The following TMTC2 variants were observed in gnomAD, a reference collection of about 807,000 sequenced individuals.
TMTC2 encodes the protein transmembrane O-mannosyltransferase targeting cadherins 2.
TMTC2 carries 43 observed loss-of-function variants against 82.4 expected under a neutral mutation model. The observed-to-expected ratio is 0.52, with a 90% CI of 0.41 to 0.67. The LOEUF is 0.67. Among genes scored for constraint, TMTC2 ranks in the 30% least tolerant of loss-of-function variants. TMTC2 has a pLI of 0.00. For missense variants in TMTC2, 919 were observed against 1,012.4 expected (o/e 0.91, Z 1.25); for synonymous variants, 408 against 381.9 (o/e 1.07, Z -0.80).
At chr12:83,099,110 G>T (rs1565887507) in intron 11 of TMTC2, among the ~76,000 whole-genome samples, 1 of 152,104 alleles carries the variant, frequency 6.6e-6, no homozygotes, top group Non-Finnish European at 1.5e-5. Context: ...CTTTCTGAAT[G>T]CCAATATTCT....
At chr12:82,860,251 C>T (rs1228884169) in intron 2 of TMTC2, among the ~76,000 whole-genome samples, 3 of 152,120 alleles carry the variant, frequency 2.0e-5, no homozygotes, top group Admixed American at 6.5e-5. Context: ...GGATTACAGG[C>T]GTGAACTACC....
intron 1 of TMTC2, among the ~76,000 whole-genome samples, chr12:82,738,256 A>G (rs1386442794): frequency 6.6e-6 from 1 of 152,236 alleles, no homozygotes; most frequent in African/African-American, 2.4e-5. Context: ...TTCATTGTTC[A>G]TAAAAGTGCA....
Position 82,976,219 on chromosome 12 carries a change from C to T in TMTC2, c.1948+9222C>T, listed in dbSNP as rs560342297. Among the ~76,000 whole-genome samples, 7 of 151,774 alleles carry T rather than the reference C, an allele frequency of 4.6e-5. No homozygotes were observed. The South Asian group carries it at 1.0e-3, about 23-fold the overall frequency. On this transcript the variant is annotated intron_variant, in intron 7 of 11. Transcript: ENST00000321196. ...AAAATATAAAGGAAATTGATTAGCC[C>T]GGAGAACTTCAGGATCCCTAGTTGT... is the stretch of plus-strand genomic sequence containing the variant.
At position 82,896,474 on chromosome 12, in the gene TMTC2, G is replaced by A. The variant is rs1376966928; in HGVS notation, c.1311G>A (p.Val437=). The A allele has an allele frequency of 6.2e-7, 1 of 1,614,016 alleles. No homozygotes were observed. Among genetic ancestry groups the A allele is most frequent in the Non-Finnish European group, 8.5e-7 (1 of 1,180,040 alleles). The part of the protein sequence containing the change: ...PSMGFCLLIT[V]GARALYVKVQ... ...TGGGCTTCTGCCTACTGATTACAGT[G>A]GGTGCTAGAGCCCTTTATGTCAAAG... is the stretch of plus-strand genomic sequence containing the variant. Residue 437 remains valine, a synonymous_variant, in exon 3 of 12, where the codon GTG becomes GTA. Transcript: ENST00000321196.
In TMTC2 at chr12:83,041,072, C is replaced by G. The variant is rs1015054038; in HGVS notation, c.2153-9832C>G. 3.3e-5 allele frequency among the ~76,000 whole-genome samples: 5 copies of G among 150,942 alleles called. 1 individual carries two copies. Among genetic ancestry groups the G allele is most frequent in the Non-Finnish European group, 7.4e-5 (5 of 67,660 alleles). On this transcript the variant is annotated intron_variant, in intron 9 of 11. Transcript: ENST00000321196. Reference sequence around the variant, plus strand: ...ACTTCCCTTTTCTCATCTGTGCCCCCTTTTTTTGTGTATGGAAATAGAATC... The same window carrying G: ...ACTTCCCTTTTCTCATCTGTGCCCCGTTTTTTTGTGTATGGAAATAGAATC...
chr12:82,847,370 C>G (rs149789992), intron 1 of TMTC2, among the ~76,000 whole-genome samples: 2 of 152,086 alleles, frequency 1.3e-5, no homozygotes, highest in African/African-American at 2.4e-5. Flanking sequence ...TTTTCCAAAA[C>G]GGTAAATGCA....
intron 11 of TMTC2, among the ~76,000 whole-genome samples, chr12:83,082,607 A>G (rs1053103269): frequency 6.6e-6 from 1 of 152,208 alleles, no homozygotes; most frequent in African/African-American, 2.4e-5. Flanking sequence ...GCTATATCTC[A>G]AAAGTATAAA....
chr12:82,717,354 AG>A (rs879775868), intron 1 of TMTC2, among the ~76,000 whole-genome samples: 28 of 151,836 alleles, frequency 1.8e-4, no homozygotes, highest in Non-Finnish European at 3.5e-4. Flanking sequence ...CCTCCCAAGT[AG>A]CTGGAATTAC....
At chr12:82,744,670 CAT>C (rs1173207404) in intron 1 of TMTC2, among the ~76,000 whole-genome samples, 2 of 149,758 alleles carry the variant, frequency 1.3e-5, no homozygotes, top group Non-Finnish European at 3.0e-5. Flanking sequence ...ATAGAAATAA[CAT>C]AAAGTTTTAT....
chr12:82,968,881 C>T (rs1592664532), intron 7 of TMTC2, among the ~76,000 whole-genome samples: 2 of 152,132 alleles, frequency 1.3e-5, no homozygotes, highest in South Asian at 4.1e-4. Flanking sequence ...CTCTGAAAAG[C>T]ACCCTAACAA....
At chr12:82,941,425 C>A (rs1592644244) in intron 4 of TMTC2, among the ~76,000 whole-genome samples, 1 of 152,166 alleles carries the variant, frequency 6.6e-6, no homozygotes, top group African/African-American at 2.4e-5. Flanking sequence ...TGAGTTAAAT[C>A]ATGCATATGT....
At position 82,841,642 on chromosome 12, in the gene TMTC2, T is replaced by C. The variant is rs959694673; in HGVS notation, c.84-15368T>C. On this transcript the variant is annotated intron_variant, in intron 1 of 11. Coordinates refer to ENST00000321196, the MANE Select transcript of TMTC2 (RefSeq NM_152588.3). ...CTGGCAGCCCTGGTGAAACTTCCCA[T>C]GTTTCGCATGTGTGTTGCTACAATA... is the stretch of plus-strand genomic sequence containing the variant. Among the ~76,000 whole-genome samples the C allele has an allele frequency of 7.2e-5, 11 of 152,222 alleles. No homozygotes were observed. The East Asian group carries it at 2.1e-3, about 29-fold the overall frequency.
chr12:82,707,316 A>G, intron 1 of TMTC2, among the ~76,000 whole-genome samples: 1 of 152,302 alleles, frequency 6.6e-6, no homozygotes, highest in East Asian at 1.9e-4. Flanking sequence ...TTTCATTCAG[A>G]TGACCTAATC....
chr12:82,854,855 G>A (rs562745107), intron 1 of TMTC2, among the ~76,000 whole-genome samples: 126 of 151,962 alleles, frequency 8.3e-4, no homozygotes, highest in Non-Finnish European at 1.4e-3. Context: ...ACTTCTGATC[G>A]GCCTATTTTA....
At chr12:82,997,005 T>C (rs1299557817) in intron 8 of TMTC2, among the ~76,000 whole-genome samples, 2 of 151,992 alleles carry the variant, frequency 1.3e-5, no homozygotes, top group Non-Finnish European at 2.9e-5. Flanking sequence ...TTTCAATCTA[T>C]TGCTTTGGCT....
At chr12:83,106,007 GA>G (rs1884380306) in intron 11 of TMTC2, among the ~76,000 whole-genome samples, 1 of 152,044 alleles carries the variant, frequency 6.6e-6, no homozygotes, top group Admixed American at 6.6e-5. Context: ...ATACATAATA[GA>G]ATTATCTTGA....
chr12:83,127,551 T>G (rs1424298829), intron 11 of TMTC2, among the ~76,000 whole-genome samples: 1 of 152,124 alleles, frequency 6.6e-6, no homozygotes, highest in Non-Finnish European at 1.5e-5. Context: ...TCAGTTCGTC[T>G]TTTCGGAGTT....
intron 1 of TMTC2, among the ~76,000 whole-genome samples, chr12:82,756,281 A>G (rs757118915): frequency 6.6e-6 from 1 of 152,132 alleles, no homozygotes; most frequent in Non-Finnish European, 1.5e-5. Flanking sequence ...ATGATTTGAA[A>G]TTTTTCCATG....
At chr12:83,053,555 A>T (rs536013963) in intron 10 of TMTC2, among the ~76,000 whole-genome samples, 126 of 152,148 alleles carry the variant, frequency 8.3e-4, no homozygotes, top group African/African-American at 2.8e-3. Context: ...AAAGAAAAAA[A>T]TTGTCATTCC....
Sources: allele counts gnomAD v4.1 joint callset (sites outside exome capture counted in the v4.1 genomes callset), GRCh38; gene constraint gnomAD v4.1.1; transcripts MANE v1.5; gene names NCBI Gene and HGNC (gene_info 2026-07-23, HGNC 2026-07-21).